Variants in ARHGAP42 observed in about 807,000 individuals in gnomAD.
The protein encoded by ARHGAP42 is Rho GTPase activating protein 42.
In ARHGAP42, 63 loss-of-function variants were observed where a neutral mutation model predicts 125.0. That is an observed-to-expected ratio of 0.50 (90% confidence interval 0.41 to 0.62). The LOEUF is 0.62. Ranked by LOEUF, ARHGAP42 falls within the 20% of genes least tolerant of loss-of-function variation. The pLI is 0.00. For synonymous variants in ARHGAP42, 339 were observed against 351.0 expected (o/e 0.97, Z 0.38); for missense variants, 766 against 1,024.2 (o/e 0.75, Z 3.44).
intron 12 of ARHGAP42, among the ~76,000 whole-genome samples, chr11:100,951,857 A>G (rs1304045724): frequency 1.3e-5 from 2 of 152,122 alleles, no homozygotes; most frequent in African/African-American, 4.8e-5. Context: ...TGTATGGTAT[A>G]TTAGTTTCCT....
chr11:100,779,512 A>G (rs1342588714), intron 2 of ARHGAP42, among the ~76,000 whole-genome samples: 1 of 144,016 alleles, frequency 6.9e-6, no homozygotes, highest in African/African-American at 2.5e-5. Context: ...ATACACGTAT[A>G]TATATACGTA....
intron 22 of ARHGAP42, among the ~76,000 whole-genome samples, chr11:100,979,893 AGTT>A (rs1392850415): frequency 1.3e-5 from 2 of 152,222 alleles, no homozygotes; most frequent in African/African-American, 4.8e-5. Flanking sequence ...ACTGTTGTAT[AGTT>A]GTTGTATAGT....
At chr11:100,939,764 T>C (rs1466486587) in intron 8 of ARHGAP42, among the ~76,000 whole-genome samples, 1 of 152,202 alleles carries the variant, frequency 6.6e-6, no homozygotes, top group African/African-American at 2.4e-5. Context: ...ACATCTGCCC[T>C]GGCCTAGTGC....
chr11:100,730,277 G>GT (rs999772895), intron 1 of ARHGAP42, among the ~76,000 whole-genome samples: 1 of 151,918 alleles, frequency 6.6e-6, no homozygotes, highest in African/African-American at 2.4e-5. Context: ...CTGCATCATG[G>GT]TTTTTTATCT....
intron 3 of ARHGAP42, among the ~76,000 whole-genome samples, chr11:100,856,614 G>A (rs1008755049): frequency 1.3e-5 from 2 of 152,062 alleles, no homozygotes; most frequent in African/African-American, 4.8e-5. Context: ...CCAGGCATTT[G>A]TTATAATGGT....
chr11:100,808,499 G>A (rs925396607), intron 3 of ARHGAP42, among the ~76,000 whole-genome samples: 22 of 144,436 alleles, frequency 1.5e-4, no homozygotes, highest in Admixed American at 1.4e-3. Flanking sequence ...TCCGCTTCCC[G>A]GGTTCACGCC....
At chr11:100,871,864 C>T (rs112239874) in intron 4 of ARHGAP42, among the ~76,000 whole-genome samples, 2,608 of 152,246 alleles carry the variant, frequency 0.017, 77 homozygotes, top group African/African-American at 0.059. Flanking sequence ...CTGCTTCAGC[C>T]GCCTGAGTAG....
chr11:100,705,027 AAAAAAAG>A (rs1196131640), intron 1 of ARHGAP42, among the ~76,000 whole-genome samples: 3 of 146,944 alleles, frequency 2.0e-5, no homozygotes, highest in Admixed American at 6.8e-5. Flanking sequence ...AAAAAAAAAA[AAAAAAAG>A]AGAGAAGAAA....
intron 3 of ARHGAP42, among the ~76,000 whole-genome samples, chr11:100,812,980 A>G (rs1329086578): frequency 6.6e-6 from 1 of 152,206 alleles, no homozygotes; most frequent in Non-Finnish European, 1.5e-5. Flanking sequence ...AGCTCCCCTT[A>G]GGAGGCTGTT....
intron 4 of ARHGAP42, among the ~76,000 whole-genome samples, chr11:100,888,150 AG>A (rs1253155301): frequency 3.3e-5 from 5 of 152,176 alleles, no homozygotes. Flanking sequence ...TCACATAAGA[AG>A]GTACAGTTGA....
At chr11:100,823,912 G>A (rs1047888127) in intron 3 of ARHGAP42, among the ~76,000 whole-genome samples, 1 of 152,026 alleles carries the variant, frequency 6.6e-6, no homozygotes, top group African/African-American at 2.4e-5. Context: ...ATATTTAAAG[G>A]TTATGTCATT....
chr11:100,733,364 A>G (rs533856970), intron 1 of ARHGAP42, among the ~76,000 whole-genome samples: 1 of 148,622 alleles, frequency 6.7e-6, no homozygotes, highest in East Asian at 2.1e-4. Flanking sequence ...TATTCACATG[A>G]CAAAGATTTT....
chr11:100,873,283 G>T (rs576978835), intron 4 of ARHGAP42, among the ~76,000 whole-genome samples: 1 of 152,096 alleles, frequency 6.6e-6, no homozygotes, highest in Non-Finnish European at 1.5e-5. Context: ...AGAATGAACC[G>T]CATTAAGAAA....
rs550953805 is a variant in ARHGAP42 at position 100,992,759 on chromosome 11, CCTCA to C, written c.*3961_*3964del. The C allele has an allele frequency of 8.4e-4, 1,251 of 1,497,494 alleles. 1 individual carries two copies. Among genetic ancestry groups the C allele is most frequent in the Non-Finnish European group, 1.0e-3 (1,118 of 1,116,638 alleles). The allele number at this position is 1,497,494 out of a possible 1,614,324, so 92.8% of individuals were successfully genotyped here. Reference sequence around the variant, plus strand: ...TTTTTTATTTTTTGAGGGCAGCTGCCCTCACTGTTTTAAATAAAGAATCTTACAT... The same window carrying C: ...TTTTTTATTTTTTGAGGGCAGCTGCCCTGTTTTAAATAAAGAATCTTACAT... On this transcript the variant is annotated 3_prime_UTR_variant, in exon 24 of 24. Coordinates refer to ENST00000298815, the MANE Select transcript of ARHGAP42 (RefSeq NM_152432.4).
intron 4 of ARHGAP42, among the ~76,000 whole-genome samples, chr11:100,883,824 A>AG (rs1866019377): frequency 6.6e-6 from 1 of 152,194 alleles, no homozygotes; most frequent in Admixed American, 6.5e-5. Flanking sequence ...AGGAAAGTAG[A>AG]GGGGTTCCCT....
At chr11:100,901,727 G>A (rs12417065) in intron 4 of ARHGAP42, among the ~76,000 whole-genome samples, 3 of 152,212 alleles carry the variant, frequency 2.0e-5, no homozygotes, top group East Asian at 1.9e-4. Flanking sequence ...AGCCAGGCAC[G>A]GGAGAGAATC....
chr11:100,981,591 C>A (rs1221118448), intron 22 of ARHGAP42, among the ~76,000 whole-genome samples: 1 of 152,214 alleles, frequency 6.6e-6, no homozygotes, highest in Non-Finnish European at 1.5e-5. Flanking sequence ...GTAACCCCCC[C>A]AGCATTGCTG....
intron 10 of ARHGAP42, among the ~76,000 whole-genome samples, chr11:100,944,386 T>C (rs966102002): frequency 7.2e-5 from 11 of 152,116 alleles, no homozygotes; most frequent in Admixed American, 2.0e-4. Flanking sequence ...TCTAAGTGTA[T>C]AATTTAAGTT....
intron 4 of ARHGAP42, among the ~76,000 whole-genome samples, chr11:100,872,009 C>T (rs1465153966): frequency 1.3e-5 from 2 of 152,152 alleles, no homozygotes; most frequent in African/African-American, 2.4e-5. Flanking sequence ...TCCCCAAGTG[C>T]TGGGATAACA....
Sources: gnomAD v4.1 joint callset for allele counts (sites outside exome capture counted in the v4.1 genomes callset) on GRCh38, gnomAD v4.1.1 for gene constraint, MANE v1.5 for transcripts, NCBI Gene and HGNC (gene_info 2026-07-23, HGNC 2026-07-21) for gene names.